TRDN: variants seen among roughly 807,000 people sequenced by gnomAD.
TRDN encodes the protein triadin in skeletal muscle.
A neutral mutation model predicts 149.7 loss-of-function variants in TRDN; 161 were observed. The ratio of observed to expected loss-of-function variants is 1.08; its 90% CI spans 0.95 to 1.23. The LOEUF is 1.23. Ranked by LOEUF, TRDN falls within the 50% of genes most tolerant of loss-of-function variation. The pLI is 0.00. For missense variants in TRDN, 896 were observed against 823.5 expected (o/e 1.09, Z -1.08); for synonymous variants, 294 against 250.5 (o/e 1.17, Z -1.64).
At chr6:123,488,635 T>G (rs1778074266) in intron 9 of TRDN, 1 of 152,120 alleles carries the variant, frequency 6.6e-6, no homozygotes, top group Non-Finnish European at 1.5e-5. Flanking sequence ...TTTATTTCCT[T>G]TCGTTGGACT....
At chr6:123,578,542 A>G (rs1375375141) in intron 1 of TRDN, among the ~76,000 whole-genome samples, 1 of 151,946 alleles carries the variant, frequency 6.6e-6, no homozygotes, top group East Asian at 1.9e-4. Context: ...GTACCATGCT[A>G]TTTCGCTCAC....
intron 38 of TRDN, among the ~76,000 whole-genome samples, chr6:123,224,435 G>A (rs1487799736): frequency 6.6e-6 from 1 of 151,660 alleles, no homozygotes; most frequent in African/African-American, 2.4e-5. Context: ...GACTCCTAAA[G>A]CTCCTTTCAA....
intron 35 of TRDN, among the ~76,000 whole-genome samples, chr6:123,258,537 C>A (rs1776643004): frequency 6.6e-6 from 1 of 152,094 alleles, no homozygotes; most frequent in Non-Finnish European, 1.5e-5. Flanking sequence ...TTCGGATTGC[C>A]AGTGTTTTAT....
intron 34 of TRDN, among the ~76,000 whole-genome samples, chr6:123,260,253 A>G (rs1776717097): frequency 6.6e-6 from 1 of 152,154 alleles, no homozygotes; most frequent in South Asian, 2.1e-4. Flanking sequence ...ATTCATAAGT[A>G]AACTAATGAA....
At chr6:123,600,461 C>T (rs6905508) in intron 1 of TRDN, among the ~76,000 whole-genome samples, 36,962 of 151,718 alleles carry the variant, frequency 0.24, 4,713 homozygotes, top group East Asian at 0.46. Context: ...GATTTAGCTT[C>T]GGACAATGAT....
chr6:123,592,856 C>T (rs1443178458), intron 1 of TRDN, among the ~76,000 whole-genome samples: 1 of 152,130 alleles, frequency 6.6e-6, no homozygotes, highest in Non-Finnish European at 1.5e-5. Context: ...TCACTGTCTG[C>T]TTCTATCTTA....
chr6:123,252,909 C>G (rs973194402), intron 37 of TRDN, among the ~76,000 whole-genome samples: 16 of 152,010 alleles, frequency 1.1e-4, no homozygotes, highest in African/African-American at 3.9e-4. Context: ...AAATCAAGAT[C>G]TTTGTTAAAT....
intron 12 of TRDN, among the ~76,000 whole-genome samples, chr6:123,416,804 C>T (rs991511481): frequency 3.3e-5 from 5 of 151,654 alleles, no homozygotes; most frequent in African/African-American, 1.2e-4. Flanking sequence ...CGGGTCCAAG[C>T]GATTCTCTCG....
chr6:123,320,549 TTAA>T (rs138243936), intron 23 of TRDN, among the ~76,000 whole-genome samples: 13,318 of 149,374 alleles, frequency 0.089, 1,890 homozygotes, highest in African/African-American at 0.31. Flanking sequence ...ATACTGAGAC[TTAA>T]TAATATGTTT....
intron 10 of TRDN, among the ~76,000 whole-genome samples, chr6:123,458,472 A>G (rs1382463438): frequency 6.6e-6 from 1 of 152,210 alleles, no homozygotes; most frequent in African/African-American, 2.4e-5. Flanking sequence ...AGGAGGAAGG[A>G]AGTCTTCTTT....
intron 33 of TRDN, among the ~76,000 whole-genome samples, chr6:123,263,373 T>C (rs1261007584): frequency 1.3e-5 from 2 of 152,048 alleles, no homozygotes; most frequent in Non-Finnish European, 2.9e-5. Context: ...GGTTGGTTCA[T>C]GAAATTTAAG....
chr6:123,278,040 A>G (rs1424410360), intron 26 of TRDN, among the ~76,000 whole-genome samples: 2 of 152,200 alleles, frequency 1.3e-5, no homozygotes, highest in African/African-American at 2.4e-5. Context: ...GTGTCCTACA[A>G]TAATCAGAGA....
intron 12 of TRDN, among the ~76,000 whole-genome samples, chr6:123,394,788 T>C (rs1478720158): frequency 6.6e-6 from 1 of 152,160 alleles, no homozygotes; most frequent in Non-Finnish European, 1.5e-5. Flanking sequence ...CTAATTACTA[T>C]AGCTATTTAT....
chr6:123,589,912 G>C (rs1783699805), intron 1 of TRDN, among the ~76,000 whole-genome samples: 1 of 151,970 alleles, frequency 6.6e-6, no homozygotes, highest in South Asian at 2.1e-4. Context: ...ACTTTTTTCA[G>C]TATTCAGGCA....
chr6:123,405,644 CGTGATAAATTCTCAGACCAAAAA>C lies in TRDN; in HGVS notation c.1052-11990_1052-11968del, dbSNP rs974229424. On this transcript the variant is annotated intron_variant, in intron 12 of 40. Transcript: ENST00000334268. ...AAAGGAAGGGTGCAGTAGAGGTTAC[CGTGATAAATTCTCAGACCAAAAA>C]GTTTAGTAATTCTCATCTTTCAACC... 2.7e-4 allele frequency among the ~76,000 whole-genome samples: 41 copies of C among 152,188 alleles called. No homozygotes were observed. The Middle Eastern group carries it at 0.01, about 38-fold the overall frequency.
intron 1 of TRDN, among the ~76,000 whole-genome samples, chr6:123,587,318 A>T (rs1647110760): frequency 6.6e-6 from 1 of 152,152 alleles, no homozygotes; most frequent in African/African-American, 2.4e-5. Context: ...GGGTCCACGG[A>T]TAAAACGTGT....
At chr6:123,317,498 T>C (rs982689552) in intron 23 of TRDN, among the ~76,000 whole-genome samples, 6 of 151,916 alleles carry the variant, frequency 3.9e-5, no homozygotes, top group African/African-American at 1.2e-4. Context: ...GTCATAGACT[T>C]TTACACACTA....
chr6:123,343,389 A>T (rs1780134522), intron 21 of TRDN, among the ~76,000 whole-genome samples: 1 of 151,954 alleles, frequency 6.6e-6, no homozygotes, highest in African/African-American at 2.4e-5. Context: ...CCTAAAACAC[A>T]TTTATGTGGG....
chr6:123,519,473 G>GTTTTTTTTTTTTTTTTTTTTTTTTT (rs762378636), intron 5 of TRDN, among the ~76,000 whole-genome samples: 1 of 73,930 alleles, frequency 1.4e-5, no homozygotes, highest in African/African-American at 3.6e-5. Flanking sequence ...TGACCCTGTG[G>GTTTTTTTTTTTTTTTTTTTTTTTTT]TTTTTTTTTT....
Sources: allele counts gnomAD v4.1 joint callset (sites outside exome capture counted in the v4.1 genomes callset), GRCh38; gene constraint gnomAD v4.1.1; transcripts MANE v1.5; gene names NCBI Gene and HGNC (gene_info 2026-07-23, HGNC 2026-07-21).